ESCO1: variants seen among roughly 807,000 people sequenced by gnomAD.
ESCO1 encodes the protein establishment of sister chromatid cohesion N-acetyltransferase 1, also known as N-acetyltransferase ESCO1.
ESCO1 carries 33 observed loss-of-function variants against 83.5 expected under a neutral mutation model. The ratio of observed to expected loss-of-function variants is 0.40; its 90% confidence interval spans 0.30 to 0.53. The LOEUF (loss-of-function observed/expected upper bound fraction) is 0.53, where lower values mean the gene tolerates loss of function less well. Among genes scored for constraint, ESCO1 ranks in the 20% least tolerant of loss-of-function variants. The pLI, the probability that ESCO1 is intolerant of heterozygous loss-of-function variation, is 0.63. For missense variants in ESCO1, 855 were observed against 968.0 expected, an observed-to-expected ratio of 0.88 and a Z score of 1.55; for synonymous variants, 332 against 324.3, an observed-to-expected ratio of 1.02 and a Z score of -0.25.
rs542388506 is a variant in ESCO1 at position 21,564,330 on chromosome 18, A to T, written c.1707-13T>A. On this transcript the variant is annotated splice_polypyrimidine_tract_variant and intron_variant, in intron 6 of 11. Coordinates refer to ENST00000269214, the MANE Select transcript of ESCO1 (RefSeq NM_052911.3). ...TCGTGGTGTCTCCCTTAAAAAAAAT[A>T]AAATTACTAAATGTTACAGATCCAA... 1.3e-6 allele frequency: 2 copies of T among 1,498,972 alleles called. No homozygotes were observed. Among genetic ancestry groups the T allele is most frequent in the South Asian group, 1.2e-5 (1 of 84,744 alleles). The allele number at this position is 1,498,972 out of a possible 1,614,324, so 92.9% of individuals were successfully genotyped here.
At position 21,555,185 on chromosome 18, in the gene ESCO1, T is replaced by G. The variant is rs928284586; in HGVS notation, c.1953+5674A>C. Among the ~76,000 whole-genome samples the G allele has an allele frequency of 5.9e-5, 9 of 152,158 alleles. No homozygotes were observed. In the South Asian group the frequency reaches 1.0e-3, roughly 18 times the overall value. ...CATCAGAAAAGGCTACATACTATAT[T>G]ATTCCAACTCTGACATTCTAGAAAA... On this transcript the variant is annotated intron_variant, in intron 8 of 11. Transcript: ENST00000269214.
chr18:21,561,619 G>A (rs2038187102), intron 7 of ESCO1, among the ~76,000 whole-genome samples: 1 of 152,082 alleles, frequency 6.6e-6, no homozygotes, highest in South Asian at 2.1e-4. Flanking sequence ...GTAAAGATGG[G>A]GTTTCACCAT....
chr18:21,540,080 C>T, intron 8 of ESCO1, 71 bp from the exon 9 acceptor site: 2 of 1,288,314 alleles, frequency 1.6e-6, no homozygotes, highest in Admixed American at 2.4e-5. Context: ...TTCATTATAT[C>T]CACGTACAAG....
chr18:21,550,897 G>C (rs915702379), intron 8 of ESCO1, among the ~76,000 whole-genome samples: 6 of 152,030 alleles, frequency 3.9e-5, no homozygotes, highest in African/African-American at 1.4e-4. Flanking sequence ...CGGATCACGA[G>C]GTCAGGAAAT....
intron 2 of ESCO1, among the ~76,000 whole-genome samples, chr18:21,576,507 ATAAG>A (rs1357608172): frequency 1.3e-5 from 2 of 152,210 alleles, no homozygotes; most frequent in African/African-American, 4.8e-5. Context: ...ATATCTAAAA[ATAAG>A]TAAGTAAATA....
chr18:21,600,092 G>T (rs1383775720), intron 1 of ESCO1, among the ~76,000 whole-genome samples: 7 of 152,220 alleles, frequency 4.6e-5, no homozygotes, highest in Admixed American at 4.6e-4. Flanking sequence ...CCCACATCGC[G>T]CCCCGCAAAC....
At chr18:21,591,520 G>C (rs2038668262) in intron 1 of ESCO1, among the ~76,000 whole-genome samples, 1 of 152,100 alleles carries the variant, frequency 6.6e-6, no homozygotes, top group Non-Finnish European at 1.5e-5. Context: ...TCTCTTTTAA[G>C]GTTTATGCCA....
intron 8 of ESCO1, among the ~76,000 whole-genome samples, chr18:21,558,454 C>T (rs774396347): frequency 2.0e-5 from 3 of 152,040 alleles, no homozygotes; most frequent in South Asian, 2.1e-4. Flanking sequence ...TTTGGCCAAG[C>T]GTAGTAGTTC....
chr18:21,584,512 T>TA (rs1377902894), intron 1 of ESCO1, 72 bp from the exon 2 acceptor site: 1 of 151,284 alleles, frequency 6.6e-6, no homozygotes. Context: ...AAACCTAGAC[T>TA]AAAAAATGGC....
chr18:21,589,903 C>A (rs1419011621), intron 1 of ESCO1, among the ~76,000 whole-genome samples: 1 of 152,096 alleles, frequency 6.6e-6, no homozygotes, highest in Non-Finnish European at 1.5e-5. Context: ...TCTCGGCTCA[C>A]TGCAAGCTCC....
At chr18:21,600,147 G>A (rs1230917789) in intron 1 of ESCO1, among the ~76,000 whole-genome samples, 1 of 152,256 alleles carries the variant, frequency 6.6e-6, no homozygotes, top group African/African-American at 2.4e-5. Context: ...GTTGCGCCAG[G>A]AGGCGGCGAG....
chr18:21,558,726 CAAAA>C (rs59435992), intron 8 of ESCO1, among the ~76,000 whole-genome samples: 11 of 87,708 alleles, frequency 1.3e-4, no homozygotes, highest in Non-Finnish European at 2.0e-4. Context: ...GACTCTGCCT[CAAAA>C]AAAAAAAAAA....
intron 8 of ESCO1, among the ~76,000 whole-genome samples, chr18:21,558,609 G>A (rs1431946686): frequency 6.6e-6 from 1 of 151,304 alleles, no homozygotes; most frequent in Non-Finnish European, 1.5e-5. Context: ...TGCACCTGTA[G>A]TCTCAGCTAC....
Position 21,550,842 on chromosome 18 carries a change from G to C in ESCO1, c.1953+10017C>G, listed in dbSNP as rs558571707. 1.7e-3 allele frequency among the ~76,000 whole-genome samples: 256 copies of C among 152,348 alleles called. 2 individuals carry two copies. The highest frequency in any genetic ancestry group is 5.9e-3 in the African/African-American group (247 of 41,578). On this transcript the variant is annotated intron_variant, in intron 8 of 11. Transcript: ENST00000269214. Reference sequence around the variant, plus strand: ...AAAAAGCACGTGTTGGCCGGGCGTGGTGGCTCACGCCTGTAATCCCAGTAC... The same window carrying C: ...AAAAAGCACGTGTTGGCCGGGCGTGCTGGCTCACGCCTGTAATCCCAGTAC...
chr18:21,540,447 G>T, intron 8 of ESCO1: 1 of 676,914 alleles, frequency 1.5e-6, no homozygotes, highest in Non-Finnish European at 1.9e-6. Context: ...TGTCTGGCAT[G>T]CCAAAGACCT....
intron 2 of ESCO1, among the ~76,000 whole-genome samples, chr18:21,576,808 G>A (rs187035144): frequency 4.9e-4 from 75 of 152,230 alleles, no homozygotes; most frequent in Non-Finnish European, 8.4e-4. Flanking sequence ...GCCAAAGCAG[G>A]TGGATCACGA....
intron 9 of ESCO1, 44 bp from the exon 10 acceptor site, chr18:21,536,229 T>C (rs960623375): frequency 1.9e-6 from 3 of 1,573,072 alleles, no homozygotes; most frequent in Middle Eastern, 1.9e-4. Context: ...GAAAATATTA[T>C]ATACATGTAA....
chr18:21,595,716 C>T (rs1198933791), intron 1 of ESCO1, among the ~76,000 whole-genome samples: 1 of 148,528 alleles, frequency 6.7e-6, no homozygotes, highest in Non-Finnish European at 1.5e-5. Context: ...GTAATCCCAG[C>T]ACTTTGGGAG....
intron 2 of ESCO1, among the ~76,000 whole-genome samples, chr18:21,581,917 TAAA>T (rs758873985): frequency 1.6e-5 from 2 of 124,658 alleles, no homozygotes; most frequent in African/African-American, 3.0e-5. Flanking sequence ...TCATCTATAC[TAAA>T]AAAAAAAAAA....
Sources: gnomAD v4.1 joint callset for allele counts (sites outside exome capture counted in the v4.1 genomes callset) on GRCh38, gnomAD v4.1.1 for gene constraint, MANE v1.5 for transcripts, NCBI Gene and HGNC (gene_info 2026-07-23, HGNC 2026-07-21) for gene names.